CACNA2D3: variants seen among roughly 807,000 people sequenced by gnomAD.
CACNA2D3 encodes the protein voltage-dependent calcium channel subunit alpha-2/delta-3.
Under a neutral mutation model 160.6 loss-of-function variants are expected in CACNA2D3, and 60 were observed. The observed-to-expected ratio is 0.37, with a 90% CI of 0.30 to 0.46. The LOEUF is 0.46. Among genes scored for constraint, CACNA2D3 ranks in the 20% least tolerant of loss-of-function variants. CACNA2D3 has a pLI of 1.00. For missense variants in CACNA2D3, 1,205 were observed against 1,365.0 expected, an observed-to-expected ratio of 0.88 and a Z score of 1.85; for synonymous variants, 558 against 492.9, an observed-to-expected ratio of 1.13 and a Z score of -1.75.
At chr3:54,636,597 A>G (rs976901011) in intron 10 of CACNA2D3, among the ~76,000 whole-genome samples, 2 of 152,052 alleles carry the variant, frequency 1.3e-5, no homozygotes, top group African/African-American at 4.8e-5. Context: ...GGGCTAGGCT[A>G]AAACAGTAAG....
intron 2 of CACNA2D3, among the ~76,000 whole-genome samples, chr3:54,219,731 C>T (rs542890608): frequency 3.9e-4 from 60 of 152,126 alleles, no homozygotes; most frequent in African/African-American, 1.4e-3. Context: ...GGATCCCTCT[C>T]TGTGTTTTGA....
intron 12 of CACNA2D3, among the ~76,000 whole-genome samples, chr3:54,754,072 TAAG>T (rs1157960386): frequency 6.6e-6 from 1 of 152,192 alleles, no homozygotes; most frequent in Non-Finnish European, 1.5e-5. Context: ...TAGGACATAA[TAAG>T]TGCTCAATAA....
rs1311412662 is a variant in CACNA2D3 at position 54,811,503 on chromosome 3, T to A, written c.1381-5350T>A. On this transcript the variant is annotated intron_variant, in intron 13 of 37. Coordinates refer to ENST00000474759, the MANE Select transcript of CACNA2D3 (RefSeq NM_018398.3). ...TTTTTTTTTTTTTTTTTTTTTTTTT[T>A]TTTTTTTTTTTTGAGACAGCATCTC... 6.5e-4 allele frequency among the ~76,000 whole-genome samples: 33 copies of A among 50,730 alleles called. 1 individual carries two copies. The highest frequency in any genetic ancestry group is 0.013 in the Middle Eastern group (1 of 80). 33.3% of individuals were successfully genotyped at this position (50,730 alleles called of 152,430 possible).
At chr3:55,068,530 A>G (rs778526963) in intron 35 of CACNA2D3, among the ~76,000 whole-genome samples, 23 of 152,082 alleles carry the variant, frequency 1.5e-4, no homozygotes, top group Non-Finnish European at 2.5e-4. Context: ...AGTTTTATCC[A>G]TCTCATTTAT....
intron 13 of CACNA2D3, among the ~76,000 whole-genome samples, chr3:54,792,956 C>T (rs1702792448): frequency 6.6e-6 from 1 of 152,182 alleles, no homozygotes; most frequent in South Asian, 2.1e-4. Flanking sequence ...AGGCAAAAAA[C>T]TGCTGTTTTC....
intron 35 of CACNA2D3, among the ~76,000 whole-genome samples, chr3:55,026,605 T>C (rs1165175746): frequency 2.6e-5 from 4 of 152,170 alleles, no homozygotes. Context: ...AAGTTGGGTA[T>C]GCACACCCGG....
intron 35 of CACNA2D3, among the ~76,000 whole-genome samples, chr3:55,055,535 TGTG>T (rs1216348422): frequency 2.0e-5 from 3 of 152,110 alleles, no homozygotes; most frequent in Non-Finnish European, 4.4e-5. Flanking sequence ...GTTAGGGACT[TGTG>T]GTGATTTCTC....
At chr3:54,722,426 A>G (rs961045118) in intron 11 of CACNA2D3, among the ~76,000 whole-genome samples, 1 of 152,110 alleles carries the variant, frequency 6.6e-6, no homozygotes. Context: ...TGTCAAACCT[A>G]TTCTCTGTCC....
intron 2 of CACNA2D3, among the ~76,000 whole-genome samples, chr3:54,247,087 G>A (rs778160386): frequency 3.3e-5 from 5 of 152,250 alleles, no homozygotes; most frequent in African/African-American, 4.8e-5. Context: ...CCAGGTGGGC[G>A]GATCACCTGA....
chr3:54,222,836 A>C (rs1701601272), intron 2 of CACNA2D3, among the ~76,000 whole-genome samples: 1 of 152,238 alleles, frequency 6.6e-6, no homozygotes, highest in Non-Finnish European at 1.5e-5. Context: ...TTTAAGGAAT[A>C]CGTAGTTAAG....
intron 11 of CACNA2D3, among the ~76,000 whole-genome samples, chr3:54,701,266 T>C (rs1700762598): frequency 6.6e-6 from 1 of 152,202 alleles, no homozygotes. Context: ...AAGCAAATTA[T>C]ATGAGAAACT....
At chr3:54,398,272 A>G (rs967607285) in intron 4 of CACNA2D3, among the ~76,000 whole-genome samples, 9 of 122,838 alleles carry the variant, frequency 7.3e-5, no homozygotes, top group African/African-American at 2.8e-4. Flanking sequence ...TCTTTATCCA[A>G]CTTCCCAGTC....
At chr3:54,680,612 C>G (rs1265614090) in intron 11 of CACNA2D3, among the ~76,000 whole-genome samples, 1 of 152,172 alleles carries the variant, frequency 6.6e-6, no homozygotes, top group African/African-American at 2.4e-5. Context: ...GTGAATGTAG[C>G]AGGAGGATCA....
At chr3:54,738,361 TG>T (rs1444068483) in intron 11 of CACNA2D3, among the ~76,000 whole-genome samples, 1 of 152,190 alleles carries the variant, frequency 6.6e-6, no homozygotes, top group Non-Finnish European at 1.5e-5. Context: ...AATGGAAGAT[TG>T]CAGAACTTCC....
intron 2 of CACNA2D3, among the ~76,000 whole-genome samples, chr3:54,272,100 C>A (rs1331893301): frequency 6.6e-6 from 1 of 152,112 alleles, no homozygotes; most frequent in East Asian, 1.9e-4. Flanking sequence ...GGATGGGACA[C>A]ATACCTTCCC....
At chr3:54,550,934 G>T (rs532155602) in intron 5 of CACNA2D3, among the ~76,000 whole-genome samples, 2 of 152,242 alleles carry the variant, frequency 1.3e-5, no homozygotes, top group Non-Finnish European at 2.9e-5. Flanking sequence ...TGCCACCCTT[G>T]TACAGGTGCC....
At chr3:54,175,581 C>T (rs1313233219) in intron 2 of CACNA2D3, among the ~76,000 whole-genome samples, 3 of 146,554 alleles carry the variant, frequency 2.0e-5, no homozygotes, top group Non-Finnish European at 4.5e-5. Flanking sequence ...ACACTGCACT[C>T]CAGCCTGGGG....
chr3:54,517,658 C>T (rs58452494), intron 5 of CACNA2D3, among the ~76,000 whole-genome samples: 46,018 of 152,034 alleles, frequency 0.3, 7,417 homozygotes, highest in East Asian at 0.45. Context: ...GGTAAATGTG[C>T]GTCTTCTCTT....
chr3:55,066,108 C>G (rs933069618), intron 35 of CACNA2D3, among the ~76,000 whole-genome samples: 1 of 152,096 alleles, frequency 6.6e-6, no homozygotes, highest in African/African-American at 2.4e-5. Flanking sequence ...GTAGGGAAAC[C>G]TGGTGCTTGC....
Sources: gnomAD v4.1 joint callset for allele counts (sites outside exome capture counted in the v4.1 genomes callset) on GRCh38, gnomAD v4.1.1 for gene constraint, MANE v1.5 for transcripts, NCBI Gene and HGNC (gene_info 2026-07-23, HGNC 2026-07-21) for gene names.